RGS3: variants seen among roughly 807,000 people sequenced by gnomAD.
The protein encoded by RGS3 is regulator of G-protein signalling 3.
RGS3 carries 80 observed loss-of-function variants against 132.6 expected under a neutral mutation model. The observed-to-expected ratio is 0.60, with a 90% CI of 0.50 to 0.73. The LOEUF is 0.73. RGS3 is among the 30% of genes least tolerant of loss of function. The pLI is 0.00. For synonymous variants in RGS3, 598 were observed against 620.6 expected (o/e 0.96, Z 0.54); for missense variants, 1,382 against 1,530.8 (o/e 0.90, Z 1.62).
chr9:113,522,750 C>T (rs1178555497), intron 16 of RGS3, 180 bp from the exon 15 acceptor site: 2 of 611,024 alleles, frequency 3.3e-6, no homozygotes, highest in Non-Finnish European at 5.9e-6. Flanking sequence ...GCCATCTTGA[C>T]TGCAGGTCAG....
rs772200505 is a variant in RGS3, at chr9:113,507,370, G to A, written c.1169G>A (p.Arg390Gln). The change falls in exon 13 of 25, where the codon CGG becomes CAG. Residue 390 changes from arginine (R) to glutamine (Q), a missense_variant. Physicochemically the swap from Arg to Gln is conservative, Grantham distance 43 (BLOSUM62 1). Transcript: ENST00000350696. The surrounding 1 kb of genome is among the most constrained non-coding windows in gnomAD (Gnocchi z 5.0). The stretch of plus-strand genomic sequence containing the variant: ...GGACCAGATGGCGGGGTCCTGCGGC[G>A]GGCCTCCTGCAAGTCGACACATGAC... 3.1e-6 allele frequency: 5 copies of A among 1,613,782 alleles called. No homozygotes were observed. The highest frequency in any genetic ancestry group is 2.2e-5 in the East Asian group (1 of 44,886).
At chr9:113,457,378 T>C (rs527711642), upstream of RGS3, among the ~76,000 whole-genome samples, 3 of 152,354 alleles carry the variant, frequency 2.0e-5, no homozygotes, top group East Asian at 5.8e-4. Context: ...AATGTTATTC[T>C]ATGCTTCCAG....
chr9:113,501,915 A>C (rs1211999578), intron 10 of RGS3, among the ~76,000 whole-genome samples: 1 of 152,152 alleles, frequency 6.6e-6, no homozygotes, highest in Non-Finnish European at 1.5e-5. Context: ...TGGGTGTGAG[A>C]TTGAAAATGC....
chr9:113,486,452 G>T (rs1830336845), intron 7 of RGS3, among the ~76,000 whole-genome samples: 1 of 152,254 alleles, frequency 6.6e-6, no homozygotes, highest in Non-Finnish European at 1.5e-5. Flanking sequence ...TGCAGGCAGT[G>T]CAGGACACAG....
chr9:113,447,265 GAAAAA>G (rs60192215), intron 1 of RGS3, among the ~76,000 whole-genome samples: 14 of 53,420 alleles, frequency 2.6e-4, no homozygotes, highest in African/African-American at 9.4e-4. Flanking sequence ...CTGTCTCAAA[GAAAAA>G]AAAAAAAAAA....
At chr9:113,459,665 G>T (rs952526839), upstream of RGS3, among the ~76,000 whole-genome samples, 2 of 152,002 alleles carry the variant, frequency 1.3e-5, no homozygotes, top group Non-Finnish European at 2.9e-5. Context: ...TATGAGAATC[G>T]CTTGAACCTG....
At chr9:113,570,942 C>T (rs1329759373) in intron 19 of RGS3, among the ~76,000 whole-genome samples, 2 of 152,218 alleles carry the variant, frequency 1.3e-5, no homozygotes, top group South Asian at 4.1e-4. Context: ...GGCCCTTGTC[C>T]TGACTTCTCT....
intron 23 of RGS3, 71 bp from the exon 22 acceptor site, chr9:113,595,528 G>A (rs928949796): frequency 1.9e-6 from 3 of 1,545,970 alleles, no homozygotes; most frequent in East Asian, 2.3e-5. Context: ...TCCTGTAGGG[G>A]TAAGCTGAGG....
intron 19 of RGS3, among the ~76,000 whole-genome samples, chr9:113,555,020 C>T (rs1292935561): frequency 6.6e-6 from 1 of 152,056 alleles, no homozygotes; most frequent in East Asian, 1.9e-4. Flanking sequence ...TTAATTTTTT[C>T]CCCCAAATGG....
chr9:113,498,232 G>T, intron 10 of RGS3, 152 bp downstream of exon 8: 1 of 667,476 alleles, frequency 1.5e-6, no homozygotes, highest in Non-Finnish European at 2.6e-6. Flanking sequence ...TTTTCCTGAG[G>T]TGTATTACAG....
chr9:113,545,150 T>C (rs1227904305), intron 19 of RGS3, among the ~76,000 whole-genome samples: 1 of 152,172 alleles, frequency 6.6e-6, no homozygotes, highest in African/African-American at 2.4e-5. Flanking sequence ...CCTTTTGAAT[T>C]TGGCATCAAA....
chr9:113,540,996 G>A (rs933604220), intron 19 of RGS3, among the ~76,000 whole-genome samples: 1 of 152,174 alleles, frequency 6.6e-6, no homozygotes. Context: ...AAGATTCATC[G>A]GGGGCCTTGT....
intron 19 of RGS3, among the ~76,000 whole-genome samples, chr9:113,543,813 G>A (rs1001500625): frequency 2.0e-5 from 3 of 152,182 alleles, no homozygotes; most frequent in Admixed American, 6.5e-5. Flanking sequence ...CTGCTGAGTC[G>A]AGCAGATGCT....
intron 3 of RGS3, among the ~76,000 whole-genome samples, chr9:113,467,272 T>G (rs1829674579): frequency 6.6e-6 from 1 of 152,254 alleles, no homozygotes; most frequent in Non-Finnish European, 1.5e-5. Context: ...AGTCCTATGG[T>G]AACTCTGTGT....
At chr9:113,558,513 A>T (rs192439439) in intron 19 of RGS3, among the ~76,000 whole-genome samples, 1 of 152,286 alleles carries the variant, frequency 6.6e-6, no homozygotes, top group East Asian at 1.9e-4. Flanking sequence ...TAAAGAAAAA[A>T]AAAAGTCTAG....
At chr9:113,485,338 C>T (rs991423090) in intron 6 of RGS3, among the ~76,000 whole-genome samples, 1 of 152,178 alleles carries the variant, frequency 6.6e-6, no homozygotes, top group African/African-American at 2.4e-5. Context: ...ATCCGCCCAC[C>T]TCTGTCTCCC....
intron 19 of RGS3, among the ~76,000 whole-genome samples, chr9:113,555,706 C>A (rs1202529164): frequency 2.6e-5 from 4 of 152,174 alleles, no homozygotes; most frequent in African/African-American, 9.7e-5. Flanking sequence ...ACCTCGTGGT[C>A]TGCCTGCCTT....
intron 7 of RGS3, among the ~76,000 whole-genome samples, chr9:113,489,998 G>A (rs1830458375): frequency 6.6e-6 from 1 of 152,164 alleles, no homozygotes; most frequent in African/African-American, 2.4e-5. Context: ...TTCTGGGGAA[G>A]GGCCAGATGA....
intron 6 of RGS3, 126 bp from the exon 5 acceptor site, chr9:113,485,499 T>C: frequency 1.6e-6 from 1 of 642,080 alleles, no homozygotes; most frequent in Non-Finnish European, 2.8e-6. Context: ...TTATTTGTAA[T>C]ATAGTTTATT....
Sources: gnomAD v4.1 joint callset for allele counts (sites outside exome capture counted in the v4.1 genomes callset) on GRCh38, gnomAD v4.1.1 for gene constraint, Gnocchi (gnomAD v3.1) non-coding constraint, MANE v1.5 for transcripts, NCBI Gene and HGNC (gene_info 2026-07-23, HGNC 2026-07-21) for gene names.